Variants in FANCM observed in about 807,000 individuals in gnomAD.
FANCM encodes the protein Fanconi anemia group M protein.
In FANCM, 140 loss-of-function variants were observed where a neutral mutation model predicts 199.5. That is an observed-to-expected ratio of 0.70 (90% CI 0.61 to 0.81). FANCM has a LOEUF of 0.81. Ranked by LOEUF, FANCM falls within the 30% of genes least tolerant of loss-of-function variation. The pLI, the probability that FANCM is intolerant of heterozygous loss-of-function variation, is 0.00. For synonymous variants in FANCM, 840 were observed against 836.8 expected, an observed-to-expected ratio of 1.00 and a Z score of -0.07; for missense variants, 2,410 against 2,421.4, an observed-to-expected ratio of 1.00 and a Z score of 0.10.
chr14:45,157,322 A>G (rs530613866), intron 8 of FANCM, among the ~76,000 whole-genome samples: 1 of 152,340 alleles, frequency 6.6e-6, no homozygotes, highest in East Asian at 1.9e-4. Context: ...GGTAATATTT[A>G]AAGTTTCAGG....
At chr14:45,160,334 T>A (rs76490511) in intron 9 of FANCM, among the ~76,000 whole-genome samples, 4 of 148,388 alleles carry the variant, frequency 2.7e-5, no homozygotes, top group Admixed American at 1.3e-4. Context: ...TTTTTTTTTT[T>A]AATTTTGAAA....
Position 45,187,708 on chromosome 14 carries a change from T to C in FANCM, c.4673-73T>C, listed in dbSNP as rs536057436. The C allele has an allele frequency of 3.2e-4, 223 of 702,272 alleles. 3 individuals are homozygous for C. The highest frequency in any genetic ancestry group is 2.4e-3 in the South Asian group (145 of 61,220). The allele number at this position is 702,272 out of a possible 1,614,324, so 43.5% of individuals were successfully genotyped here. On this transcript the variant is annotated intron_variant, in intron 18 of 22. Coordinates refer to ENST00000267430, the MANE Select transcript of FANCM (RefSeq NM_020937.4). ...TTGAATCAAGTAAATTTGAAATAGA[T>C]TGAAGTTAAATACTTTACTGGTTTT...
At position 45,160,930 on chromosome 14, in the gene FANCM, G is replaced by GA. The variant is rs1887559949; in HGVS notation, c.1581+1654dup. Among the ~76,000 whole-genome samples, 3 of 151,774 alleles carry GA rather than the reference G, an allele frequency of 2.0e-5. No homozygotes were observed. In the South Asian group the frequency reaches 6.2e-4, roughly 32 times the overall value. ...TGGTGGGGAGTGCCTTCCTGAATCT[G>GA]AAAATAATACTTTTGCCTATTATCA... On this transcript the variant is annotated intron_variant, in intron 9 of 22. Transcript: ENST00000267430.
chr14:45,153,947 G>C lies in FANCM; in HGVS notation c.1078G>C (p.Glu360Gln), dbSNP rs778422920. The change falls in exon 6 of 23, where the codon GAG becomes CAG. Residue 360 changes from glutamate to glutamine, a missense_variant. Coordinates refer to ENST00000267430, the MANE Select transcript of FANCM (RefSeq NM_020937.4). ...AATACAACAAGGCATAATCGAGGGAGAGTTTGCTATTTGTATTAGTTTATA... is the reference window on the plus strand; with the variant it reads ...AATACAACAAGGCATAATCGAGGGACAGTTTGCTATTTGTATTAGTTTATA... ...VGIQQGIIEG[E>Q]FAICISLYHG... 6 of 1,608,150 alleles carry C rather than the reference G, an allele frequency of 3.7e-6. No homozygotes were observed. Among genetic ancestry groups the C allele is most frequent in the Non-Finnish European group, 4.3e-6 (5 of 1,174,686 alleles).
At chr14:45,156,970 C>T (rs895417773) in intron 8 of FANCM, among the ~76,000 whole-genome samples, 1 of 136,188 alleles carries the variant, frequency 7.3e-6, no homozygotes, top group African/African-American at 2.7e-5. Flanking sequence ...TGGGTATATA[C>T]ATTTATGTGT....
At chr14:45,179,542 T>G (rs576524716) in intron 14 of FANCM, among the ~76,000 whole-genome samples, 1 of 150,022 alleles carries the variant, frequency 6.7e-6, no homozygotes, top group Non-Finnish European at 1.5e-5. Flanking sequence ...ATAGATTAGG[T>G]ACATCATTTT....
Position 45,175,336 on chromosome 14 carries a change from TAAA to T in FANCM, c.2587_2589del (p.Lys863del). 6.4e-7 allele frequency: 1 copy of T among 1,555,718 alleles called. No homozygotes were observed. Among genetic ancestry groups the T allele is most frequent in the Admixed American group, 2.0e-5 (1 of 49,476 alleles). The stretch of plus-strand genomic sequence containing the variant: ...TTAAAGAAAAAAGTGTCTAAAGAAA[TAAA>T]AAAAGATCAGCTTAAAAAAGAAAAT... On this transcript the variant is annotated inframe_deletion, in exon 14 of 23. Transcript: ENST00000267430.
At position 45,198,830 on chromosome 14, in the gene FANCM, A is replaced by G. The variant is rs1890214206; in HGVS notation, c.5903A>G (p.Asn1968Ser). ...CATGTTCCAACAGTGGTGAATAGTA[A>G]TAAAAGTGAGGCACTCCAGTTTTAT... ...GIHVPTVVNSNKSEALQFYLS... is the reference protein window; with the variant it reads ...GIHVPTVVNSSKSEALQFYLS... The change falls in exon 22 of 23, where the codon AAT becomes AGT. Residue 1968 changes from asparagine (N) to serine (S), a missense_variant. Asn to Ser is a conservative substitution (Grantham distance 46). Coordinates refer to ENST00000267430, the MANE Select transcript of FANCM (RefSeq NM_020937.4). 4 of 1,613,720 alleles carry G rather than the reference A, an allele frequency of 2.5e-6. No homozygotes were observed. The highest frequency in any genetic ancestry group is 2.5e-6 in the Non-Finnish European group (3 of 1,179,624).
Position 45,170,708 on chromosome 14 carries a change from G to A in FANCM, c.2122G>A (p.Val708Ile), listed in dbSNP as rs1888284033. ...AATTAAAGAGATAACATTGCCTCAA[G>A]TTCAGTTTTCTTCTTTACAAAATGA... is the stretch of plus-strand genomic sequence containing the variant. The part of the protein sequence containing the change: ...DEIKEITLPQ[V>I]QFSSLQNEEN... The change falls in exon 12 of 23, where the codon GTT becomes ATT. Residue 708 changes from valine (V) to isoleucine (I), a missense_variant. Val to Ile is a conservative substitution (Grantham distance 29, BLOSUM62 3). Coordinates refer to ENST00000267430, the MANE Select transcript of FANCM (RefSeq NM_020937.4). The A allele has an allele frequency of 6.2e-7, 1 of 1,611,692 alleles. No homozygotes were observed. The highest frequency in any genetic ancestry group is 8.5e-7 in the Non-Finnish European group (1 of 1,178,040).
At chr14:45,198,052 C>A (rs1890166179) in intron 21 of FANCM, among the ~76,000 whole-genome samples, 1 of 152,086 alleles carries the variant, frequency 6.6e-6, no homozygotes, top group Non-Finnish European at 1.5e-5. Context: ...CATGTTTGAG[C>A]CACCAGCCTT....
At chr14:45,145,087 C>T (rs75024691) in intron 3 of FANCM, among the ~76,000 whole-genome samples, 5 of 151,950 alleles carry the variant, frequency 3.3e-5, no homozygotes, top group Non-Finnish European at 5.9e-5. Context: ...TTCAAGGTAG[C>T]GGGTTTCCTT....
At chr14:45,148,788 A>G in intron 3 of FANCM, 49 bp from the exon 4 acceptor site, 1 of 1,406,110 alleles carries the variant, frequency 7.1e-7, no homozygotes, top group South Asian at 1.2e-5. Context: ...ACTTAAACTA[A>G]AAAATTTTAA....
rs1890051844 is a variant in FANCM, at chr14:45,196,287, G to A, written c.5456G>A (p.Cys1819Tyr). Residue 1819 changes from cysteine (C) to tyrosine (Y), a missense_variant, in exon 21 of 23, where the codon TGT becomes TAT. Physicochemically the swap from Cys to Tyr is radical, Grantham distance 194. Transcript: ENST00000267430. ...LRLPQEGKGT[C>Y]ILVGGHEITS... ...CTTCCGCAGGAAGGAAAAGGAACCT[G>A]TATTCTTGTAGGTGGTCATGAAATC... 1 of 1,614,118 alleles carries A rather than the reference G, an allele frequency of 6.2e-7. No homozygotes were observed. The highest frequency in any genetic ancestry group is 8.5e-7 in the Non-Finnish European group (1 of 1,180,000).
rs1566731408 is a variant in FANCM at position 45,148,200 on chromosome 14, A to ACAC, written c.760-637_760-636insCAC. Among the ~76,000 whole-genome samples, 1,308 of 142,404 alleles carry ACAC rather than the reference A, an allele frequency of 9.2e-3. 11 individuals are homozygous for ACAC. Among genetic ancestry groups the ACAC allele is most frequent in the East Asian group, 0.034 (166 of 4,864 alleles). The allele number at this position is 142,404 out of a possible 152,430, so 93.4% of individuals were successfully genotyped here. A position where few individuals can be genotyped will look rare whatever the true frequency, so the allele number is the denominator to read the frequency against. On this transcript the variant is annotated intron_variant, in intron 3 of 22. Transcript: ENST00000267430. ...TGACAGAACGAGGCACCGTCTCAAA[A>ACAC]ACACACACACACACACACACACACA...
intron 14 of FANCM, chr14:45,180,790 G>C (rs1177580775): frequency 2.6e-5 from 4 of 152,758 alleles, no homozygotes. Context: ...TGATGCAAGA[G>C]AGAAAGCAAA....
intron 2 of FANCM, among the ~76,000 whole-genome samples, chr14:45,138,626 AAC>A (rs1194332676): frequency 1.3e-5 from 2 of 152,204 alleles, no homozygotes; most frequent in Admixed American, 6.5e-5. Context: ...GAAATAATAA[AAC>A]ACTTAAAAAT....
Position 45,188,799 on chromosome 14 carries a change from T to C in FANCM, c.4780-3T>C. Reference sequence around the variant, plus strand: ...ATAAAACATTCTTGTGTTTTTATTGTAGATTCCTGAACAAGATGAAACCTA... The same window carrying C: ...ATAAAACATTCTTGTGTTTTTATTGCAGATTCCTGAACAAGATGAAACCTA... On this transcript the variant is annotated splice_polypyrimidine_tract_variant and splice_region_variant and intron_variant, in intron 19 of 22. Coordinates refer to ENST00000267430, the MANE Select transcript of FANCM (RefSeq NM_020937.4). 6.2e-7 allele frequency: 1 copy of C among 1,602,188 alleles called. No homozygotes were observed. Among genetic ancestry groups the C allele is most frequent in the Non-Finnish European group, 8.5e-7 (1 of 1,170,620 alleles).
chr14:45,181,675 T>C lies in FANCM; in HGVS notation c.4356T>C (p.Ala1452=). The stretch of plus-strand genomic sequence containing the variant: ...GTGAAGTTGATTCTCCACTTCATGC[T>C]GTCAAAAAGCGCAGATTTCCTATAA... The part of the protein sequence containing the change: ...KNSEVDSPLH[A]VKKRRFPINR... The change falls in exon 16 of 23, where the codon GCT becomes GCC. Residue 1452 remains alanine, a synonymous_variant. Coordinates refer to ENST00000267430, the MANE Select transcript of FANCM (RefSeq NM_020937.4). 1 of 1,611,324 alleles carries C rather than the reference T, an allele frequency of 6.2e-7. No homozygotes were observed. Among genetic ancestry groups the C allele is most frequent in the Non-Finnish European group, 8.5e-7 (1 of 1,177,984 alleles).
At chr14:45,179,154 G>A (rs886224027) in intron 14 of FANCM, among the ~76,000 whole-genome samples, 13 of 152,130 alleles carry the variant, frequency 8.5e-5, no homozygotes, top group Non-Finnish European at 1.5e-4. Flanking sequence ...AGCCGAGATC[G>A]CGCCACTGTA....
Sources: allele counts gnomAD v4.1 joint callset (sites outside exome capture counted in the v4.1 genomes callset), GRCh38; gene constraint gnomAD v4.1.1; transcripts MANE v1.5; gene names NCBI Gene and HGNC (gene_info 2026-07-23, HGNC 2026-07-21).